The following SHROOM3 variants were observed in gnomAD, a reference collection of about 807,000 sequenced individuals.
The protein encoded by SHROOM3 is protein Shroom3.
A neutral mutation model predicts 138.6 loss-of-function variants in SHROOM3; 47 were observed. The ratio of observed to expected loss-of-function variants is 0.34; its 90% CI spans 0.27 to 0.43. The LOEUF is 0.43. Ranked by LOEUF, SHROOM3 falls within the 20% of genes least tolerant of loss-of-function variation. The pLI, the probability that SHROOM3 is intolerant of heterozygous loss-of-function variation, is 1.00. For synonymous variants in SHROOM3, 1,062 were observed against 1,063.3 expected (o/e 1.00, Z 0.02); for missense variants, 2,491 against 2,596.5 (o/e 0.96, Z 0.88).
intron 2 of SHROOM3, among the ~76,000 whole-genome samples, chr4:76,603,611 T>C (rs1734554591): frequency 6.6e-6 from 1 of 152,044 alleles, no homozygotes; most frequent in Non-Finnish European, 1.5e-5. Context: ...TATTTTAAGT[T>C]CTAGGGCACA....
At chr4:76,599,842 T>C (rs558564491) in intron 2 of SHROOM3, among the ~76,000 whole-genome samples, 1 of 152,178 alleles carries the variant, frequency 6.6e-6, no homozygotes, top group Admixed American at 6.5e-5. Flanking sequence ...AAATGGACTT[T>C]GTTGGTGCTA....
rs1040616541 is a variant in SHROOM3 at position 76,674,523 on chromosome 4, C to G, written c.324-35633C>G. On this transcript the variant is annotated intron_variant, in intron 2 of 10. Transcript: ENST00000296043. Reference sequence around the variant, plus strand: ...CAAATTTATTTTCTTCTCTCTCTTTCTCTTTCTTTCTTTCTTTCCTTCCTT... The same window carrying G: ...CAAATTTATTTTCTTCTCTCTCTTTGTCTTTCTTTCTTTCTTTCCTTCCTT... 2.1e-5 allele frequency among the ~76,000 whole-genome samples: 3 copies of G among 142,788 alleles called. No homozygotes were observed. In the South Asian group the frequency reaches 7.0e-4, roughly 33 times the overall value. The allele number at this position is 142,788 out of a possible 152,430, so 93.7% of individuals were successfully genotyped here. A position where few individuals can be genotyped will look rare whatever the true frequency, so the allele number is the denominator to read the frequency against.
intron 2 of SHROOM3, among the ~76,000 whole-genome samples, chr4:76,582,453 T>C (rs946557816): frequency 2.0e-5 from 3 of 152,010 alleles, no homozygotes; most frequent in Non-Finnish European, 2.9e-5. Context: ...TCATCTCTAA[T>C]CCCAAACAAG....
At chr4:76,665,624 T>A (rs1305416938) in intron 2 of SHROOM3, among the ~76,000 whole-genome samples, 1 of 152,250 alleles carries the variant, frequency 6.6e-6, no homozygotes, top group African/African-American at 2.4e-5. Context: ...TAAGCTTACC[T>A]ATTTTATTAA....
intron 1 of SHROOM3, among the ~76,000 whole-genome samples, chr4:76,468,267 A>G (rs2109980001): frequency 6.6e-6 from 1 of 152,362 alleles, no homozygotes; most frequent in South Asian, 2.1e-4. Context: ...TACAGTACCT[A>G]CAGAGAGAGT....
chr4:76,537,769 A>C (rs545326533), intron 1 of SHROOM3, among the ~76,000 whole-genome samples: 148 of 152,188 alleles, frequency 9.7e-4, no homozygotes, highest in African/African-American at 3.3e-3. Flanking sequence ...TGATGGGTGG[A>C]GCCTTCTATT....
chr4:76,740,594 T>A lies in SHROOM3; in HGVS notation c.2421T>A (p.His807Gln). ...GTGTGGGCGGCTCTGGTTTTGGCCA[T>A]AACTATAGGCCCCACAGGACCGTCT... ...RPSVGGSGFG[H>Q]NYRPHRTVST... Residue 807 changes from histidine (H) to glutamine (Q), a missense_variant, in exon 5 of 11, where the codon CAT becomes CAA. By Grantham distance (24) the His-to-Gln change is conservative. Around this residue, in one of 4 missense-constraint regions of SHROOM3, gnomAD observed 1,733 missense variants for 1,661.6 expected, o/e 1.04. Coordinates refer to ENST00000296043, the MANE Select transcript of SHROOM3 (RefSeq NM_020859.4). The surrounding 1 kb of genome is among the most constrained non-coding windows in gnomAD (Gnocchi z 4.0). 1 of 1,614,082 alleles carries A rather than the reference T, an allele frequency of 6.2e-7. No homozygotes were observed. The highest frequency in any genetic ancestry group is 8.5e-7 in the Non-Finnish European group (1 of 1,179,992).
At chr4:76,698,450 T>G (rs1050771463) in intron 2 of SHROOM3, among the ~76,000 whole-genome samples, 4 of 152,172 alleles carry the variant, frequency 2.6e-5, no homozygotes, top group African/African-American at 4.8e-5. Flanking sequence ...TTTACATTTT[T>G]AATGTCCACT....
chr4:76,639,260 T>TAGCCTCTGAAG (rs1485357662), intron 2 of SHROOM3, among the ~76,000 whole-genome samples: 1 of 152,194 alleles, frequency 6.6e-6, no homozygotes, highest in Non-Finnish European at 1.5e-5. Flanking sequence ...TTGAGGTAGA[T>TAGCCTCTGAAG]AGCCTCTGAA....
At chr4:76,717,898 A>C (rs1351978433) in intron 3 of SHROOM3, among the ~76,000 whole-genome samples, 1 of 152,208 alleles carries the variant, frequency 6.6e-6, no homozygotes, top group African/African-American at 2.4e-5. Context: ...TAAATACTTC[A>C]TTATATTTTC....
At chr4:76,525,697 T>TAAA (rs1484235133) in intron 1 of SHROOM3, among the ~76,000 whole-genome samples, 1 of 152,214 alleles carries the variant, frequency 6.6e-6, no homozygotes, top group Non-Finnish European at 1.5e-5. Flanking sequence ...TAAAGCCTTT[T>TAAA]AGTAACATTC....
intron 2 of SHROOM3, among the ~76,000 whole-genome samples, chr4:76,570,494 C>T (rs1341817363): frequency 3.3e-5 from 5 of 152,134 alleles, no homozygotes; most frequent in South Asian, 2.1e-4. Flanking sequence ...TGCCATTCCT[C>T]GTCACCTTTC....
chr4:76,500,606 T>G (rs1404597710), intron 1 of SHROOM3, among the ~76,000 whole-genome samples: 1 of 152,148 alleles, frequency 6.6e-6, no homozygotes, highest in East Asian at 1.9e-4. Context: ...TTCCCCCTTT[T>G]GCCAACTCTT....
chr4:76,485,767 T>G (rs1731716307), intron 1 of SHROOM3, among the ~76,000 whole-genome samples: 1 of 152,212 alleles, frequency 6.6e-6, no homozygotes, highest in African/African-American at 2.4e-5. Flanking sequence ...CTAATTGTAT[T>G]TATTGCTTAT....
intron 2 of SHROOM3, among the ~76,000 whole-genome samples, chr4:76,584,717 G>A (rs537008704): frequency 6.6e-6 from 1 of 152,298 alleles, no homozygotes; most frequent in Admixed American, 6.5e-5. Flanking sequence ...TGCACGGCCT[G>A]GCTGCTCTTG....
intron 10 of SHROOM3, among the ~76,000 whole-genome samples, chr4:76,774,686 T>C (rs1193449170): frequency 6.6e-6 from 1 of 150,874 alleles, no homozygotes; most frequent in African/African-American, 2.4e-5. Flanking sequence ...TCATTCAAAT[T>C]CAGTCCCTCA....
intron 9 of SHROOM3, among the ~76,000 whole-genome samples, chr4:76,764,761 C>T (rs1722093254): frequency 6.6e-6 from 1 of 152,186 alleles, no homozygotes; most frequent in South Asian, 2.1e-4. Context: ...TTGTTTTCCT[C>T]TGGCCACTCT....
intron 1 of SHROOM3, among the ~76,000 whole-genome samples, chr4:76,441,993 A>G (rs1321615535): frequency 6.6e-6 from 1 of 152,210 alleles, no homozygotes; most frequent in African/African-American, 2.4e-5. Flanking sequence ...AAATTCCGAG[A>G]TTACAGGCGT....
At chr4:76,502,501 A>G (rs1034238798) in intron 1 of SHROOM3, among the ~76,000 whole-genome samples, 2 of 152,184 alleles carry the variant, frequency 1.3e-5, no homozygotes, top group Non-Finnish European at 2.9e-5. Context: ...CTCCAGGCAG[A>G]TAGTGACAGA....
Sources: allele counts gnomAD v4.1 joint callset (sites outside exome capture counted in the v4.1 genomes callset), GRCh38; gene constraint gnomAD v4.1.1; regional missense constraint gnomAD v4.1.1; non-coding constraint Gnocchi (gnomAD v3.1); transcripts MANE v1.5; gene names NCBI Gene and HGNC (gene_info 2026-07-23, HGNC 2026-07-21).